LARGE1: variants seen among roughly 807,000 people sequenced by gnomAD.
The protein encoded by LARGE1 is xylosyl- and glucuronyltransferase LARGE1.
In LARGE1, 43 loss-of-function variants were observed where a neutral mutation model predicts 87.6. The ratio of observed to expected loss-of-function variants is 0.49; its 90% CI spans 0.38 to 0.63. The LOEUF (loss-of-function observed/expected upper bound fraction) is 0.63. LARGE1 is among the 30% of genes least tolerant of loss of function. The pLI is 0.00. For missense variants in LARGE1, 802 were observed against 1,000.2 expected, an observed-to-expected ratio of 0.80 and a Z score of 2.67; for synonymous variants, 434 against 394.6, an observed-to-expected ratio of 1.10 and a Z score of -1.18.
At chr22:33,321,831 T>C (rs73401416) in intron 10 of LARGE1, among the ~76,000 whole-genome samples, 3,487 of 152,228 alleles carry the variant, frequency 0.023, 117 homozygotes, top group African/African-American at 0.079. Context: ...GACTGGTTGA[T>C]TGACTAAGAT....
chr22:33,802,576 C>T (rs1306948266), intron 1 of LARGE1, among the ~76,000 whole-genome samples: 1 of 152,206 alleles, frequency 6.6e-6, no homozygotes, highest in Non-Finnish European at 1.5e-5. Flanking sequence ...CACAGGACAT[C>T]TCCTGCACTG....
intron 6 of LARGE1, among the ~76,000 whole-genome samples, chr22:33,517,598 C>T (rs1166508261): frequency 7.3e-6 from 1 of 136,498 alleles, no homozygotes; most frequent in African/African-American, 2.8e-5. Context: ...GATGGGGTTT[C>T]ACCATATGGG....
At chr22:33,678,636 T>C (rs2081651234) in intron 2 of LARGE1, among the ~76,000 whole-genome samples, 1 of 152,186 alleles carries the variant, frequency 6.6e-6, no homozygotes, top group South Asian at 2.1e-4. Context: ...CAGCTAATTC[T>C]CTCTTTCCTG....
intron 11 of LARGE1, among the ~76,000 whole-genome samples, chr22:33,249,024 T>G (rs1926896171): frequency 6.6e-6 from 1 of 152,196 alleles, no homozygotes; most frequent in Non-Finnish European, 1.5e-5. Context: ...AACATCCACA[T>G]GTAGGTTTTC....
At chr22:33,114,251 A>T in the LARGE1 span, among the ~76,000 whole-genome samples, 52,375 of 151,878 alleles carry the variant, frequency 0.34, 9,441 homozygotes, top group African/African-American at 0.42. Flanking sequence ...AATGCTTATA[A>T]TAGTACCTGC....
At chr22:33,470,407 C>T (rs1266425896) in intron 6 of LARGE1, among the ~76,000 whole-genome samples, 1 of 152,200 alleles carries the variant, frequency 6.6e-6, no homozygotes, top group Non-Finnish European at 1.5e-5. Context: ...TGCCACACAA[C>T]TTTCAAGTGA....
intron 1 of LARGE1, among the ~76,000 whole-genome samples, chr22:33,855,073 G>A (rs111405161): frequency 3.3e-5 from 5 of 152,250 alleles, no homozygotes; most frequent in South Asian, 2.1e-4. Flanking sequence ...GGTGGCTCAC[G>A]CCTGTAATCT....
intron 11 of LARGE1, among the ~76,000 whole-genome samples, chr22:33,169,017 C>T (rs1271998422): frequency 6.6e-6 from 1 of 152,072 alleles, no homozygotes; most frequent in African/African-American, 2.4e-5. Flanking sequence ...TGATGATTGT[C>T]AAAGATAAGA....
chr22:33,700,537 T>C (rs1374871094), intron 2 of LARGE1, among the ~76,000 whole-genome samples: 4 of 151,934 alleles, frequency 2.6e-5, no homozygotes, highest in Admixed American at 1.3e-4. Context: ...TTCAAGGAAA[T>C]AGAGGATTGA....
intron 1 of LARGE1, among the ~76,000 whole-genome samples, chr22:33,784,919 A>G (rs1030550522): frequency 6.6e-6 from 1 of 151,378 alleles, no homozygotes; most frequent in Non-Finnish European, 1.5e-5. Flanking sequence ...ATGTGTGTGT[A>G]TATACATATA....
intron 1 of LARGE1, among the ~76,000 whole-genome samples, chr22:33,886,227 T>A (rs1457723664): frequency 6.6e-6 from 1 of 151,974 alleles, no homozygotes; most frequent in Admixed American, 6.6e-5. Context: ...CCCATTTTCC[T>A]CTCCTACACT....
intron 2 of LARGE1, chr22:33,704,988 T>A (rs1454765769): frequency 6.6e-6 from 1 of 152,264 alleles, no homozygotes; most frequent in Admixed American, 6.5e-5. Context: ...TGAGCTCAAA[T>A]CCTCACTGAG....
chr22:33,876,861 GA>G (rs548725379), intron 1 of LARGE1, among the ~76,000 whole-genome samples: 3,833 of 141,946 alleles, frequency 0.027, 56 homozygotes, highest in African/African-American at 0.035. Flanking sequence ...AAATGTACTG[GA>G]AAAAAAAAAA....
chr22:33,277,613 A>G (rs1033408094), intron 13 of LARGE1, among the ~76,000 whole-genome samples: 4 of 152,188 alleles, frequency 2.6e-5, no homozygotes, highest in African/African-American at 7.2e-5. Flanking sequence ...CTATAAATCA[A>G]AGATTGCTAA....
chr22:33,717,522 G>A (rs1476177259), intron 2 of LARGE1, among the ~76,000 whole-genome samples: 2 of 152,064 alleles, frequency 1.3e-5, no homozygotes, highest in African/African-American at 4.8e-5. Context: ...TTATAATCTT[G>A]GAGAAATCCA....
intron 6 of LARGE1, among the ~76,000 whole-genome samples, chr22:33,559,500 G>A (rs970052960): frequency 2.6e-5 from 4 of 152,178 alleles, no homozygotes; most frequent in African/African-American, 9.7e-5. Flanking sequence ...CCCTTTAACT[G>A]TGTCCTCACA....
intron 6 of LARGE1, among the ~76,000 whole-genome samples, chr22:33,532,465 CTG>C (rs769587277): frequency 1.3e-5 from 2 of 152,238 alleles, no homozygotes; most frequent in Non-Finnish European, 2.9e-5. Context: ...AACCCCAACT[CTG>C]TGCCAGACAC....
intron 2 of LARGE1, among the ~76,000 whole-genome samples, chr22:33,747,511 C>T (rs1427633980): frequency 2.0e-5 from 3 of 152,180 alleles, no homozygotes; most frequent in African/African-American, 7.2e-5. Flanking sequence ...GAGGCCTGCC[C>T]AGATCACCCT....
intron 6 of LARGE1, among the ~76,000 whole-genome samples, chr22:33,484,194 C>T (rs375795669): frequency 1.4e-4 from 22 of 152,220 alleles, no homozygotes; most frequent in African/African-American, 5.3e-4. Context: ...TCTAATGTTC[C>T]TCTCACTTCA....
Sources: allele counts gnomAD v4.1 joint callset (sites outside exome capture counted in the v4.1 genomes callset), GRCh38; gene constraint gnomAD v4.1.1; transcripts MANE v1.5; gene names NCBI Gene and HGNC (gene_info 2026-07-23, HGNC 2026-07-21).